Variants in RAB11FIP3 observed in about 807,000 individuals in gnomAD.
RAB11FIP3 encodes rab11 family-interacting protein 3.
In RAB11FIP3, 17 loss-of-function variants were observed where a neutral mutation model predicts 77.8. That is an observed-to-expected ratio of 0.22 (90% CI 0.15 to 0.33). RAB11FIP3 has a LOEUF of 0.33. Ranked by LOEUF, RAB11FIP3 falls within the 10% of genes least tolerant of loss-of-function variation. The pLI, the probability that RAB11FIP3 is intolerant of heterozygous loss-of-function variation, is 1.00. For synonymous variants in RAB11FIP3, 437 were observed against 448.2 expected (o/e 0.98, Z 0.31); for missense variants, 1,005 against 1,011.2 (o/e 0.99, Z 0.08).
chr16:437,570 CAAAA>C (rs34184576), intron 1 of RAB11FIP3, among the ~76,000 whole-genome samples: 1 of 58,980 alleles, frequency 1.7e-5, no homozygotes, highest in Non-Finnish European at 2.9e-5. Context: ...AACTCCATCT[CAAAA>C]AAAAAAAAAA....
At chr16:445,591 G>C (rs1213579273) in intron 1 of RAB11FIP3, among the ~76,000 whole-genome samples, 2 of 152,152 alleles carry the variant, frequency 1.3e-5, no homozygotes, top group Non-Finnish European at 2.9e-5. Flanking sequence ...GTCTGGTATG[G>C]GGGGATGAGA....
At chr16:454,957 C>T (rs569913229) in intron 1 of RAB11FIP3, among the ~76,000 whole-genome samples, 8 of 147,906 alleles carry the variant, frequency 5.4e-5, no homozygotes, top group East Asian at 4.0e-4. Flanking sequence ...GGCTGAGGCA[C>T]GAGAATTGCT....
chr16:445,942 G>A (rs1003491538), intron 1 of RAB11FIP3, among the ~76,000 whole-genome samples: 3 of 152,146 alleles, frequency 2.0e-5, no homozygotes, highest in African/African-American at 7.2e-5. Context: ...TGAGGCTCAG[G>A]TGTAGGCCCC....
intron 1 of RAB11FIP3, among the ~76,000 whole-genome samples, chr16:448,738 G>GA (rs34545276): frequency 9.3e-4 from 82 of 88,128 alleles, no homozygotes; most frequent in East Asian, 1.0e-3. Context: ...TCCGTCTCAA[G>GA]AAAAAAAAAA....
At chr16:429,379 A>T (rs1471441852) in intron 1 of RAB11FIP3, among the ~76,000 whole-genome samples, 7 of 152,162 alleles carry the variant, frequency 4.6e-5, no homozygotes, top group African/African-American at 1.7e-4. Flanking sequence ...ACTGGATAAC[A>T]GCAATAAAGG....
intron 5 of RAB11FIP3, among the ~76,000 whole-genome samples, chr16:490,280 C>T (rs924976764): frequency 1.3e-5 from 2 of 152,262 alleles, no homozygotes; most frequent in Non-Finnish European, 2.9e-5. Flanking sequence ...GCACCCCTGC[C>T]AGTGGCCCAG....
At chr16:488,771 T>C (rs538951900) in intron 4 of RAB11FIP3, 80 bp from the exon 5 acceptor site, 2 of 1,475,522 alleles carry the variant, frequency 1.4e-6, no homozygotes, top group East Asian at 4.7e-5. Flanking sequence ...GCACACCCTA[T>C]GGAAAGCACC....
In RAB11FIP3 at chr16:518,955, G is replaced by A; in HGVS notation, c.1653G>A (p.Leu551=). 5.0e-6 allele frequency: 8 copies of A among 1,613,690 alleles called. No homozygotes were observed. The highest frequency in any genetic ancestry group is 6.8e-6 in the Non-Finnish European group (8 of 1,180,000). The change falls in exon 10 of 14, where the codon CTG becomes CTA. Residue 551 remains leucine, a synonymous_variant. Transcript: ENST00000262305. The stretch of plus-strand genomic sequence containing the variant: ...TCTTGTGTCCCAGGCTACAGCAACT[G>A]GACGAGGAGAACAGTGAACTCCGGT... ...IENLQTRLQQ[L]DEENSELRSC...
chr16:478,858 T>C (rs2055975908), intron 3 of RAB11FIP3, among the ~76,000 whole-genome samples: 1 of 152,032 alleles, frequency 6.6e-6, no homozygotes, highest in Admixed American at 6.6e-5. Context: ...CCCAGCTACT[T>C]TGGTGGCTGA....
chr16:434,879 A>G (rs1371106445), intron 1 of RAB11FIP3, among the ~76,000 whole-genome samples: 2 of 151,920 alleles, frequency 1.3e-5, no homozygotes, highest in African/African-American at 2.4e-5. Context: ...GCTGGCCAAC[A>G]TGGTAAAATC....
At position 482,486 on chromosome 16, in the gene RAB11FIP3, C is replaced by T. The variant is rs79704446; in HGVS notation, c.904-39C>T. ...TGTGGGGCGTTCGCAGTTCCCCTCC[C>T]AGCTTGTGCCCGCTGACTGCTGGCG... On this transcript the variant is annotated intron_variant, in intron 3 of 13. Coordinates refer to ENST00000262305, the MANE Select transcript of RAB11FIP3 (RefSeq NM_014700.4). The T allele has an allele frequency of 2.5e-5, 40 of 1,596,372 alleles. 1 individual carries two copies. In the East Asian group the frequency reaches 7.6e-4, roughly 30 times the overall value.
Position 426,766 on chromosome 16 carries a change from G to A in RAB11FIP3, c.714+46G>A. The A allele has an allele frequency of 7.0e-7, 1 of 1,424,546 alleles. No homozygotes were observed. The highest frequency in any genetic ancestry group is 9.3e-7 in the Non-Finnish European group (1 of 1,076,836). The allele number at this position is 1,424,546 out of a possible 1,614,324, so 88.2% of individuals were successfully genotyped here. On this transcript the variant is annotated intron_variant, in intron 1 of 13. Coordinates refer to ENST00000262305, the MANE Select transcript of RAB11FIP3 (RefSeq NM_014700.4). The surrounding 1 kb of genome is among the most constrained non-coding windows in gnomAD (Gnocchi z 5.0). ...GGGCGTGGGAACTGGGCAGGTGCGC[G>A]CTGGCCGGCGGGGTTGATGTGGGAC...
In RAB11FIP3 at chr16:471,502, A is replaced by G; in HGVS notation, c.903+113A>G. On this transcript the variant is annotated intron_variant, in intron 3 of 13. Coordinates refer to ENST00000262305, the MANE Select transcript of RAB11FIP3 (RefSeq NM_014700.4). The surrounding 1 kb of genome is among the most constrained non-coding windows in gnomAD (Gnocchi z 4.4). ...CTGTCTTCCGTAGAAGCTGGCGTGA[A>G]GGAAGGGCCTCCCGCCCTGTGTGCA... 1.1e-6 allele frequency: 1 copy of G among 912,542 alleles called. No individual in the cohort carries two copies. The highest frequency in any genetic ancestry group is 1.7e-6 in the Non-Finnish European group (1 of 578,382). The allele number at this position is 912,542 out of a possible 1,614,324, so 56.5% of individuals were successfully genotyped here. A position where few individuals can be genotyped will look rare whatever the true frequency, so the allele number is the denominator to read the frequency against.
At position 505,668 on chromosome 16, in the gene RAB11FIP3, T is replaced by C. The variant is rs1248066660; in HGVS notation, c.1499+41T>C. ...GAGACCCGGGCCTCTGCGTGGCGCCTCCTGTGCCCGCCTGTCAGCCCCCAT... is the reference window on the plus strand; with the variant it reads ...GAGACCCGGGCCTCTGCGTGGCGCCCCCTGTGCCCGCCTGTCAGCCCCCAT... On this transcript the variant is annotated intron_variant, in intron 8 of 13. Coordinates refer to ENST00000262305, the MANE Select transcript of RAB11FIP3 (RefSeq NM_014700.4). This position sits in a 1 kb window ranked among gnomAD's most constrained non-coding sequence, Gnocchi z 4.0. 1.4e-6 allele frequency: 2 copies of C among 1,472,558 alleles called. No homozygotes were observed. The highest frequency in any genetic ancestry group is 2.0e-4 in the Middle Eastern group (1 of 5,104). 91.2% of individuals were successfully genotyped at this position (1,472,558 alleles called of 1,614,324 possible).
At chr16:502,933 G>A in intron 6 of RAB11FIP3, 71 bp from the exon 7 acceptor site, 1 of 1,216,646 alleles carries the variant, frequency 8.2e-7, no homozygotes, top group South Asian at 1.2e-5. Flanking sequence ...TGACTTGGGA[G>A]TGCTTGTGCT....
chr16:426,115 G>A lies in RAB11FIP3; in HGVS notation c.109G>A (p.Ala37Thr), dbSNP rs2054936342. The change falls in exon 1 of 14, where the codon GCG becomes ACG. Residue 37 changes from alanine to threonine, a missense_variant. Ala to Thr is a moderately conservative substitution (Grantham distance 58). Around this residue, in one of 4 missense-constraint regions of RAB11FIP3, gnomAD observed 466 missense variants for 408.3 expected, o/e 1.14. Coordinates refer to ENST00000262305, the MANE Select transcript of RAB11FIP3 (RefSeq NM_014700.4). The surrounding 1 kb of genome is among the most constrained non-coding windows in gnomAD (Gnocchi z 5.0). ...GGCGGCACAACTGGCTCCGGGCCCT[G>A]CGGAGCTACGCCTCGGAGCGCCCGT... ...PGAAQLAPGPAELRLGAPVGG... is the reference protein window; with the variant it reads ...PGAAQLAPGPTELRLGAPVGG... 3 of 1,007,856 alleles carry A rather than the reference G, an allele frequency of 3.0e-6. No homozygotes were observed. The highest frequency in any genetic ancestry group is 3.5e-6 in the Non-Finnish European group (3 of 846,200). 62.4% of individuals were successfully genotyped at this position (1,007,856 alleles called of 1,614,324 possible). A position where few individuals can be genotyped will look rare whatever the true frequency, so the allele number is the denominator to read the frequency against.
chr16:488,080 T>G (rs902929354), intron 4 of RAB11FIP3, among the ~76,000 whole-genome samples: 2 of 152,186 alleles, frequency 1.3e-5, no homozygotes, highest in African/African-American at 4.8e-5. Flanking sequence ...AAGTAAAATT[T>G]TTTGTTAAAA....
rs1230003362 is a variant in RAB11FIP3 at position 432,981 on chromosome 16, A to T, written c.714+6261A>T. On this transcript the variant is annotated intron_variant, in intron 1 of 13. Coordinates refer to ENST00000262305, the MANE Select transcript of RAB11FIP3 (RefSeq NM_014700.4). ...GTACATGTGGTATTTTGTTACAGGC[A>T]TACACTGTAATGATCAAGTTGGGGT... is the stretch of plus-strand genomic sequence containing the variant. 1.7e-4 allele frequency among the ~76,000 whole-genome samples: 23 copies of T among 138,750 alleles called. No homozygotes were observed. In the Admixed American group the frequency reaches 1.7e-3, roughly 10 times the overall value. The allele number at this position is 138,750 out of a possible 152,430, so 91.0% of individuals were successfully genotyped here. A position where few individuals can be genotyped will look rare whatever the true frequency, so the allele number is the denominator to read the frequency against.
intron 4 of RAB11FIP3, among the ~76,000 whole-genome samples, chr16:486,478 G>T (rs1307516530): frequency 6.6e-6 from 1 of 152,208 alleles, no homozygotes; most frequent in South Asian, 2.1e-4. Flanking sequence ...GGGCGACAGA[G>T]CGAGACTCTA....
Sources: allele counts gnomAD v4.1 joint callset (sites outside exome capture counted in the v4.1 genomes callset), GRCh38; gene constraint gnomAD v4.1.1; regional missense constraint gnomAD v4.1.1; non-coding constraint Gnocchi (gnomAD v3.1); transcripts MANE v1.5; gene names NCBI Gene and HGNC (gene_info 2026-07-23, HGNC 2026-07-21).